The following COMT variants were observed in gnomAD, a reference collection of about 807,000 sequenced individuals.
COMT encodes catechol-O-methyltransferase, also known as catechol O-methyltransferase.
In COMT, 13 loss-of-function variants were observed where a neutral mutation model predicts 18.9. That is an observed-to-expected ratio of 0.69 (90% CI 0.45 to 1.09). The LOEUF (loss-of-function observed/expected upper bound fraction) is 1.09. Among genes scored for constraint, COMT ranks in the 50% least tolerant of loss-of-function variants. COMT has a pLI of 0.00. For missense variants in COMT, 329 were observed against 361.8 expected (o/e 0.91, Z 0.73); for synonymous variants, 150 against 160.9 (o/e 0.93, Z 0.51).
At position 19,968,935 on chromosome 22, in the gene COMT, C is replaced by T; in HGVS notation, c.*199C>T. 1 of 589,934 alleles carries T rather than the reference C, an allele frequency of 1.7e-6. No individual in the cohort carries two copies. The highest frequency in any genetic ancestry group is 3.0e-6 in the Non-Finnish European group (1 of 328,594). 36.5% of individuals were successfully genotyped at this position (589,934 alleles called of 1,614,324 possible). A position where few individuals can be genotyped will look rare whatever the true frequency, so the allele number is the denominator to read the frequency against. On this transcript the variant is annotated 3_prime_UTR_variant, in exon 6 of 6. Transcript: ENST00000361682. Reference sequence around the variant, plus strand: ...CTTTTTTAAGACTCAATCATGACTTCTTTACTAACACTGGCTAGCTATATT... The same window carrying T: ...CTTTTTTAAGACTCAATCATGACTTTTTTACTAACACTGGCTAGCTATATT...
chr22:19,967,229 C>G, intron 5 of COMT: 1 of 1,303,462 alleles, frequency 7.7e-7, no homozygotes. Context: ...AGATTGGGCT[C>G]CTGAGTCCCC....
rs763607822 is a variant in COMT at position 19,946,910 on chromosome 22, G to GGT, written c.-92+5013_-92+5014insGT. ...TAGCATTAAAAAAAATTTTTTTTTA[G>GGT]TTTTTTTTTTTTTTTTTTTTTTTGA... On this transcript the variant is annotated intron_variant, in intron 1 of 5. Transcript: ENST00000361682. 1.0e-3 allele frequency among the ~76,000 whole-genome samples: 117 copies of GGT among 117,100 alleles called. 7 individuals carry two copies. The highest frequency in any genetic ancestry group is 2.9e-3 in the African/African-American group (86 of 29,394). The allele number at this position is 117,100 out of a possible 152,430, so 76.8% of individuals were successfully genotyped here. A position where few individuals can be genotyped will look rare whatever the true frequency, so the allele number is the denominator to read the frequency against.
chr22:19,950,556 G>A (rs1446072233), intron 1 of COMT, among the ~76,000 whole-genome samples: 1 of 152,048 alleles, frequency 6.6e-6, no homozygotes, highest in Non-Finnish European at 1.5e-5. Context: ...TTGCTTTTGT[G>A]GGTCCCTGAG....
intron 1 of COMT, among the ~76,000 whole-genome samples, chr22:19,959,644 C>G (rs1336517478): frequency 6.6e-6 from 1 of 152,112 alleles, no homozygotes; most frequent in Non-Finnish European, 1.5e-5. Context: ...CTGCTCAGGG[C>G]TTCAGTTCAC....
chr22:19,954,171 T>C (rs1276629584), intron 1 of COMT, among the ~76,000 whole-genome samples: 2 of 148,304 alleles, frequency 1.3e-5, no homozygotes, highest in Non-Finnish European at 3.0e-5. Flanking sequence ...TTGAAGCAGG[T>C]GTGCAGTCCG....
chr22:19,949,086 A>C (rs187733375), intron 1 of COMT, among the ~76,000 whole-genome samples: 71 of 152,240 alleles, frequency 4.7e-4, no homozygotes, highest in African/African-American at 1.6e-3. Context: ...TCTTGAGGCC[A>C]GGAGTTCAAG....
intron 5 of COMT, among the ~76,000 whole-genome samples, chr22:19,966,012 G>A (rs1942371168): frequency 6.6e-6 from 1 of 152,240 alleles, no homozygotes; most frequent in South Asian, 2.1e-4. Context: ...CAGCAGCTGT[G>A]ATGTGGGTGC....
chr22:19,946,910 G>GTTTTT (rs35689277), intron 1 of COMT, among the ~76,000 whole-genome samples: 1 of 117,118 alleles, frequency 8.5e-6, no homozygotes, highest in Non-Finnish European at 1.7e-5. Flanking sequence ...TTTTTTTTTA[G>GTTTTT]TTTTTTTTTT....
At chr22:19,953,378 C>T (rs1164777729) in intron 1 of COMT, among the ~76,000 whole-genome samples, 1 of 152,150 alleles carries the variant, frequency 6.6e-6, no homozygotes, top group Non-Finnish European at 1.5e-5. Flanking sequence ...GCAACAACCT[C>T]CACCTCCACG....
rs765568181 is a variant in COMT at position 19,964,249 on chromosome 22, T to C, written c.565T>C (p.Phe189Leu). 3 of 1,614,112 alleles carry C rather than the reference T, an allele frequency of 1.9e-6. No individual in the cohort carries two copies. Among genetic ancestry groups the C allele is most frequent in the Middle Eastern group, 1.6e-4 (1 of 6,062 alleles). Reference sequence around the variant, plus strand: ...TGATGTGGACACACTGGACATGGTCTTCCTCGACCACTGGAAGGACCGGTA... The same window carrying C: ...TGATGTGGACACACTGGACATGGTCCTCCTCGACCACTGGAAGGACCGGTA... Reference protein sequence around the residue: ...KYDVDTLDMVFLDHWKDRYLP... With the variant: ...KYDVDTLDMVLLDHWKDRYLP... Residue 189 changes from phenylalanine (F) to leucine (L), a missense_variant, in exon 5 of 6, where the codon TTC becomes CTC. By Grantham distance (22) the Phe-to-Leu change is conservative (BLOSUM62 0). Transcript: ENST00000361682.
chr22:19,956,137 C>CCTTTTT (rs1569129365), intron 1 of COMT, among the ~76,000 whole-genome samples: 11 of 84,818 alleles, frequency 1.3e-4, no homozygotes, highest in Non-Finnish European at 1.7e-4. Context: ...TTCTTTTTTT[C>CCTTTTT]TTTTTTTTTT....
chr22:19,956,953 T>C (rs1278142652), intron 1 of COMT, among the ~76,000 whole-genome samples: 1 of 151,206 alleles, frequency 6.6e-6, no homozygotes, highest in Non-Finnish European at 1.5e-5. Flanking sequence ...AACATTCCTG[T>C]CTTTTTTTTT....
chr22:19,950,076 A>G (rs757886649), intron 1 of COMT, among the ~76,000 whole-genome samples: 5 of 152,182 alleles, frequency 3.3e-5, no homozygotes, highest in Non-Finnish European at 7.3e-5. Flanking sequence ...AACTTCACTT[A>G]GTATGACTCT....
chr22:19,952,435 CG>C (rs1941960650), intron 1 of COMT, among the ~76,000 whole-genome samples: 1 of 151,922 alleles, frequency 6.6e-6, no homozygotes, highest in South Asian at 2.1e-4. Context: ...GTCAGGAGAT[CG>C]AGACCATCCT....
intron 1 of COMT, among the ~76,000 whole-genome samples, chr22:19,956,791 G>C (rs1232018391): frequency 6.6e-6 from 1 of 151,840 alleles, no homozygotes; most frequent in Non-Finnish European, 1.5e-5. Context: ...GCCCAGAGTG[G>C]TCCTGAACGC....
At chr22:19,943,556 C>T (rs1276429778) in intron 1 of COMT, among the ~76,000 whole-genome samples, 1 of 151,600 alleles carries the variant, frequency 6.6e-6, no homozygotes, top group East Asian at 1.9e-4. Context: ...GTGAAAAGAT[C>T]GTTTGAGCCT....
intron 1 of COMT, among the ~76,000 whole-genome samples, chr22:19,943,126 G>A (rs1293515192): frequency 6.6e-6 from 1 of 152,198 alleles, no homozygotes; most frequent in African/African-American, 2.4e-5. Flanking sequence ...GTGAGGCCCA[G>A]TGGAGAAGGG....
chr22:19,967,689 G>A, intron 5 of COMT: 1 of 272,500 alleles, frequency 3.7e-6, no homozygotes, highest in South Asian at 3.5e-5. Flanking sequence ...TACTTTAGAT[G>A]TTTGAGATTG....
intron 1 of COMT, among the ~76,000 whole-genome samples, chr22:19,955,374 C>T (rs553432501): frequency 1.6e-4 from 25 of 152,338 alleles, no homozygotes; most frequent in African/African-American, 6.0e-4. Flanking sequence ...GCTGCCTGGC[C>T]TGTCTCTACG....
Sources: gnomAD v4.1 joint callset for allele counts (sites outside exome capture counted in the v4.1 genomes callset) on GRCh38, gnomAD v4.1.1 for gene constraint, MANE v1.5 for transcripts, NCBI Gene and HGNC (gene_info 2026-07-23, HGNC 2026-07-21) for gene names.